The following SUV39H2 variants were observed in gnomAD, a reference collection of about 807,000 sequenced individuals.
SUV39H2 encodes SUV39H2 histone lysine methyltransferase.
Under a neutral mutation model 47.5 loss-of-function variants are expected in SUV39H2, and 10 were observed. The observed-to-expected ratio is 0.21, with a 90% CI of 0.13 to 0.36. The LOEUF is 0.36. Among genes scored for constraint, SUV39H2 ranks in the 10% least tolerant of loss-of-function variants. The probability of loss-of-function intolerance (pLI) is 1.00; values close to 1 mark genes in which losing one functional copy is unlikely to be tolerated. For synonymous variants in SUV39H2, 159 were observed against 166.8 expected, an observed-to-expected ratio of 0.95 and a Z score of 0.36; for missense variants, 266 against 487.4, an observed-to-expected ratio of 0.55 and a Z score of 4.28.
intron 2 of SUV39H2, among the ~76,000 whole-genome samples, chr10:14,886,958 T>A (rs1017256027): frequency 6.6e-6 from 1 of 151,978 alleles, no homozygotes; most frequent in Non-Finnish European, 1.5e-5. Flanking sequence ...GAGAATGAGG[T>A]GGTCGGAGAT....
At chr10:14,883,435 T>C (rs1427878270) in intron 2 of SUV39H2, among the ~76,000 whole-genome samples, 1 of 151,942 alleles carries the variant, frequency 6.6e-6, no homozygotes, top group African/African-American at 2.4e-5. Context: ...CCGGGCACGG[T>C]GGCTCACGCC....
intron 3 of SUV39H2, chr10:14,897,826 A>G (rs2131704951): frequency 1.7e-5 from 3 of 181,792 alleles, no homozygotes; most frequent in South Asian, 1.9e-4. Flanking sequence ...CAAAAGTCCT[A>G]AGAAGAAACT....
intron 2 of SUV39H2, among the ~76,000 whole-genome samples, chr10:14,886,546 C>T (rs1052484000): frequency 2.0e-5 from 3 of 152,162 alleles, no homozygotes; most frequent in African/African-American, 7.2e-5. Context: ...TCTTTTGCTT[C>T]GGTCATGTTT....
rs1460761366 is a variant in SUV39H2, at chr10:14,879,105, C to T, written c.31+186C>T. The stretch of plus-strand genomic sequence containing the variant: ...CCCAGGCCGCTGACCCGCCTCCCTG[C>T]CCGGCCGGCTCCCGCCGCGGAGGTG... On this transcript the variant is annotated intron_variant, in intron 1 of 5. Transcript: ENST00000354919. 4.7e-6 allele frequency: 6 copies of T among 1,270,138 alleles called. No individual in the cohort carries two copies. The African/African-American group carries it at 9.4e-5, about 20-fold the overall frequency. 78.7% of individuals were successfully genotyped at this position (1,270,138 alleles called of 1,614,324 possible).
intron 4 of SUV39H2, 147 bp from the exon 5 acceptor site, chr10:14,900,986 C>T: frequency 2.1e-6 from 2 of 959,804 alleles, no homozygotes; most frequent in Non-Finnish European, 1.5e-6. Flanking sequence ...TTTAAATGTG[C>T]ATGCCTCAAA....
intron 2 of SUV39H2, 75 bp from the exon 3 acceptor site, chr10:14,896,771 A>T (rs1588849860): frequency 7.6e-7 from 1 of 1,315,404 alleles, no homozygotes; most frequent in Non-Finnish European, 1.0e-6. Context: ...CTTACTCTTT[A>T]AGATTTTTAA....
intron 1 of SUV39H2, among the ~76,000 whole-genome samples, chr10:14,880,468 C>T (rs914387695): frequency 6.6e-6 from 1 of 152,198 alleles, no homozygotes; most frequent in Non-Finnish European, 1.5e-5. Flanking sequence ...CACCAGTTTT[C>T]TCCATTTTTT....
chr10:14,894,755 A>G (rs186362167), intron 2 of SUV39H2, among the ~76,000 whole-genome samples: 13 of 152,380 alleles, frequency 8.5e-5, no homozygotes, highest in Admixed American at 1.3e-4. Context: ...GGATAAAATA[A>G]GCCCACTCCT....
chr10:14,880,489 C>G (rs1833010117), intron 1 of SUV39H2, among the ~76,000 whole-genome samples: 1 of 152,320 alleles, frequency 6.6e-6, no homozygotes, highest in Non-Finnish European at 1.5e-5. Flanking sequence ...TCCAGTGAAT[C>G]TGACAGCCAA....
intron 2 of SUV39H2, among the ~76,000 whole-genome samples, chr10:14,893,400 TA>T (rs971880981): frequency 6.6e-6 from 1 of 151,740 alleles, no homozygotes; most frequent in Non-Finnish European, 1.5e-5. Context: ...GAAGTGGCTT[TA>T]AAAAAAAATT....
intron 2 of SUV39H2, among the ~76,000 whole-genome samples, chr10:14,882,971 G>A (rs1466601794): frequency 3.3e-5 from 5 of 151,486 alleles, no homozygotes; most frequent in African/African-American, 1.2e-4. Flanking sequence ...GGGTTCCAGC[G>A]ATTCTCCTGT....
At chr10:14,902,133 A>T (rs1196326863) in intron 5 of SUV39H2, among the ~76,000 whole-genome samples, 1 of 152,208 alleles carries the variant, frequency 6.6e-6, no homozygotes, top group African/African-American at 2.4e-5. Flanking sequence ...CTTTCTGACA[A>T]ATATGGGCTA....
At chr10:14,887,532 G>A (rs961334342) in intron 2 of SUV39H2, among the ~76,000 whole-genome samples, 1 of 152,208 alleles carries the variant, frequency 6.6e-6, no homozygotes, top group African/African-American at 2.4e-5. Flanking sequence ...CCAACTGGAA[G>A]TGGGGCTCAA....
chr10:14,890,284 G>A (rs571165764), intron 2 of SUV39H2, among the ~76,000 whole-genome samples: 2 of 152,322 alleles, frequency 1.3e-5, no homozygotes, highest in South Asian at 4.1e-4. Flanking sequence ...GTCTAACCCA[G>A]CTATCACAAT....
rs1457734754 is a variant in SUV39H2 at position 14,897,234 on chromosome 10, T to G, written c.566T>G (p.Phe189Cys). The G allele has an allele frequency of 6.2e-7, 1 of 1,613,812 alleles. No individual in the cohort carries two copies. The highest frequency in any genetic ancestry group is 8.5e-7 in the Non-Finnish European group (1 of 1,180,048). Residue 189 changes from phenylalanine (F) to cysteine (C), a missense_variant, in exon 3 of 6, where the codon TTT becomes TGT. Physicochemically the swap from Phe to Cys is radical, Grantham distance 205. Transcript: ENST00000354919. ...PGISLVNEATFGCSCTDCFFQ... is the reference protein window; with the variant it reads ...PGISLVNEATCGCSCTDCFFQ... ...ATCAGCTTAGTCAATGAAGCTACCT[T>G]TGGTTGTTCATGCACAGATTGCTTC...
At chr10:14,882,188 T>TA (rs955836845) in intron 2 of SUV39H2, among the ~76,000 whole-genome samples, 24 of 152,338 alleles carry the variant, frequency 1.6e-4, no homozygotes, top group Admixed American at 3.3e-4. Flanking sequence ...TTATTGCTCT[T>TA]AAAAAACGGC....
chr10:14,900,341 CATT>C (rs1450422390), intron 4 of SUV39H2, among the ~76,000 whole-genome samples: 1 of 152,104 alleles, frequency 6.6e-6, no homozygotes, highest in Non-Finnish European at 1.5e-5. Context: ...GTTAGGGTGA[CATT>C]ATCTGCATTT....
In SUV39H2 at chr10:14,902,852, G is replaced by C. The variant is rs116910335; in HGVS notation, c.*340G>C. ...TAAGCTGATAATGTAATTAACAACT[G>C]CTGAGAGATCAAAGATTCAACTTGC... On this transcript the variant is annotated 3_prime_UTR_variant, in exon 6 of 6. Transcript: ENST00000354919. 1,017 of 158,206 alleles carry C rather than the reference G, an allele frequency of 6.4e-3. 34 individuals carry two copies. In the East Asian group the frequency reaches 0.097, roughly 15 times the overall value. 9.8% of individuals were successfully genotyped at this position (158,206 alleles called of 1,614,324 possible).
chr10:14,882,455 C>G (rs961849872), intron 2 of SUV39H2, among the ~76,000 whole-genome samples: 3 of 152,236 alleles, frequency 2.0e-5, no homozygotes, highest in African/African-American at 7.2e-5. Context: ...GCCCATGCAT[C>G]TCACCTGCAC....
Sources: gnomAD v4.1 joint callset for allele counts (sites outside exome capture counted in the v4.1 genomes callset) on GRCh38, gnomAD v4.1.1 for gene constraint, MANE v1.5 for transcripts, NCBI Gene and HGNC (gene_info 2026-07-23, HGNC 2026-07-21) for gene names.